Variants in AMER2 observed in about 807,000 individuals in gnomAD.
AMER2 encodes the protein family with sequence similarity 123A.
AMER2 carries 1 observed loss-of-function variant against 4.7 expected under a neutral mutation model. That is an observed-to-expected ratio of 0.21 (90% CI 0.07 to 1.00). The LOEUF (loss-of-function observed/expected upper bound fraction) is 1.00, where lower values mean the gene tolerates loss of function less well. AMER2 is among the 50% of genes least tolerant of loss of function. The pLI is 0.60. For missense variants in AMER2, 988 were observed against 966.9 expected (o/e 1.02, Z -0.29); for synonymous variants, 485 against 433.3 (o/e 1.12, Z -1.48).
At position 25,168,525 on chromosome 13, in the gene AMER2, T is replaced by A. The variant is rs1341801951; in HGVS notation, c.*1079A>T. ...TCTGGGACACCAGCACAATAGATTT[T>A]TTTTTTTTTTGAGAACCAGAGAACC... On this transcript the variant is annotated 3_prime_UTR_variant, in exon 1 of 1. Coordinates refer to ENST00000515384, the MANE Select transcript of AMER2 (RefSeq NM_152704.4). The A allele has an allele frequency of 6.6e-6, 1 of 152,026 alleles. No homozygotes were observed. Among genetic ancestry groups the A allele is most frequent in the Non-Finnish European group, 1.5e-5 (1 of 67,996 alleles). The allele number at this position is 152,026 out of a possible 1,614,324, so 9.4% of individuals were successfully genotyped here.
rs886970579 is a variant in AMER2 at position 25,166,063 on chromosome 13, A to T, written c.*3541T>A. 3.3e-5 allele frequency: 5 copies of T among 152,250 alleles called. No homozygotes were observed. Among genetic ancestry groups the T allele is most frequent in the Admixed American group, 6.5e-5 (1 of 15,282 alleles). 9.4% of individuals were successfully genotyped at this position (152,250 alleles called of 1,614,324 possible). A position where few individuals can be genotyped will look rare whatever the true frequency, so the allele number is the denominator to read the frequency against. On this transcript the variant is annotated 3_prime_UTR_variant, in exon 1 of 1. Transcript: ENST00000515384. ...CCTGACATAGTCTTTTTACCTGGAT[A>T]ATTGTGTAAGCAAAGGGCTATTTGC...
At position 25,171,893 on chromosome 13, in the gene AMER2, T is replaced by G; in HGVS notation, c.-274A>C. ...TCGAGTCGTAATTATGGAATTCAAA[T>G]TCCCTCAACTCTCACCCACCTTCGG... On this transcript the variant is annotated 5_prime_UTR_variant, in exon 1 of 1. Transcript: ENST00000515384. The surrounding 1 kb of genome is among the most constrained non-coding windows in gnomAD (Gnocchi z 5.9). 9 of 464,548 alleles carry G rather than the reference T, an allele frequency of 1.9e-5. No homozygotes were observed. The highest frequency in any genetic ancestry group is 4.0e-5 in the East Asian group (1 of 25,294). 28.8% of individuals were successfully genotyped at this position (464,548 alleles called of 1,614,324 possible). A position where few individuals can be genotyped will look rare whatever the true frequency, so the allele number is the denominator to read the frequency against.
At position 25,163,593 on chromosome 13, in the gene AMER2, A is replaced by G. The variant is rs1411322062; in HGVS notation, c.*6011T>C. On this transcript the variant is annotated 3_prime_UTR_variant, in exon 1 of 1. Transcript: ENST00000515384. ...AATGAAATAAGCCAGTCACAGAAGG[A>G]CAAATACTGCGCGTTTCCACTTCTA... 1.3e-5 allele frequency: 2 copies of G among 151,660 alleles called. No homozygotes were observed. The highest frequency in any genetic ancestry group is 4.9e-5 in the African/African-American group (2 of 41,218). The allele number at this position is 151,660 out of a possible 1,614,324, so 9.4% of individuals were successfully genotyped here.
rs1234448952 is a variant in AMER2, at chr13:25,168,578, C to T, written c.*1026G>A. 6.6e-6 allele frequency: 1 copy of T among 151,626 alleles called. No individual in the cohort carries two copies. The highest frequency in any genetic ancestry group is 1.5e-5 in the Non-Finnish European group (1 of 67,950). 9.4% of individuals were successfully genotyped at this position (151,626 alleles called of 1,614,324 possible). The stretch of plus-strand genomic sequence containing the variant: ...TATAAAACAAAATCAGAATCGCTTC[C>T]CATTACAGTACATAACAGAACATCA... On this transcript the variant is annotated 3_prime_UTR_variant, in exon 1 of 1. Coordinates refer to ENST00000515384, the MANE Select transcript of AMER2 (RefSeq NM_152704.4).
Position 25,169,753 on chromosome 13 carries a change from G to A in AMER2, c.1867C>T (p.Pro623Ser). ...CTGGAGGGTTGCTGGTGCACCACGGGATGGCTAGATGGAAGGTTGGTCAGG... is the reference window on the plus strand; with the variant it reads ...CTGGAGGGTTGCTGGTGCACCACGGAATGGCTAGATGGAAGGTTGGTCAGG... ...KHLTNLPSSH[P>S]VVHQQPSRSE... The change falls in exon 1 of 1, where the codon CCC becomes TCC. Residue 623 changes from proline to serine, a missense_variant. By Grantham distance (74) the Pro-to-Ser change is moderately conservative (BLOSUM62 -1). Coordinates refer to ENST00000515384, the MANE Select transcript of AMER2 (RefSeq NM_152704.4). This position sits in a 1 kb window ranked among gnomAD's most constrained non-coding sequence, Gnocchi z 4.2. 1 of 1,614,210 alleles carries A rather than the reference G, an allele frequency of 6.2e-7. No individual in the cohort carries two copies. Among genetic ancestry groups the A allele is most frequent in the South Asian group, 1.1e-5 (1 of 91,084 alleles).
rs1956593744 is a variant in AMER2, at chr13:25,172,080, T to C, written c.-461A>G. On this transcript the variant is annotated 5_prime_UTR_variant, in exon 1 of 1. Coordinates refer to ENST00000515384, the MANE Select transcript of AMER2 (RefSeq NM_152704.4). ...GCCTTTCCCAAGCCCTTCATGTCTG[T>C]CCTTAGCATTGGTGCACTAAGCCCA... The C allele has an allele frequency of 6.2e-6, 1 of 162,280 alleles. No individual in the cohort carries two copies. The highest frequency in any genetic ancestry group is 1.3e-5 in the Non-Finnish European group (1 of 75,544). 10.1% of individuals were successfully genotyped at this position (162,280 alleles called of 1,614,324 possible).
In AMER2 at chr13:25,171,042, C is replaced by G; in HGVS notation, c.578G>C (p.Gly193Ala). 1 of 1,574,538 alleles carries G rather than the reference C, an allele frequency of 6.4e-7. No homozygotes were observed. The highest frequency in any genetic ancestry group is 8.6e-7 in the Non-Finnish European group (1 of 1,161,780). ...ASKAGGKQKR[G>A]LRGLFSGMRW... ...CATGCCGCTGAACAGCCCCCGCAGC[C>G]CCCGCTTTTGTTTGCCGCCGGCCTT... Residue 193 changes from glycine (G) to alanine (A), a missense_variant, in exon 1 of 1, where the codon GGG becomes GCG. Gly to Ala is a moderately conservative substitution (Grantham distance 60). Coordinates refer to ENST00000515384, the MANE Select transcript of AMER2 (RefSeq NM_152704.4). This position sits in a 1 kb window ranked among gnomAD's most constrained non-coding sequence, Gnocchi z 5.9.
chr13:25,170,738 G>A lies in AMER2; in HGVS notation c.882C>T (p.Gly294=). 1 of 1,411,268 alleles carries A rather than the reference G, an allele frequency of 7.1e-7. No homozygotes were observed. Among genetic ancestry groups the A allele is most frequent in the Non-Finnish European group, 9.2e-7 (1 of 1,092,254 alleles). 87.4% of individuals were successfully genotyped at this position (1,411,268 alleles called of 1,614,324 possible). A position where few individuals can be genotyped will look rare whatever the true frequency, so the allele number is the denominator to read the frequency against. Residue 294 remains glycine (G), a synonymous_variant, in exon 1 of 1, where the codon GGC becomes GGT. Transcript: ENST00000515384. The surrounding 1 kb of genome is among the most constrained non-coding windows in gnomAD (Gnocchi z 7.3). ...AEGLAHPGDT[G]ARGEDAAGHR... is the part of the protein sequence containing the mutation. ...GCCCCGCGGCGTCCTCTCCCCGGGC[G>A]CCGGTGTCGCCGGGGTGCGCGAGGC...
Position 25,169,388 on chromosome 13 carries a change from T to C in AMER2, c.*216A>G, listed in dbSNP as rs1956519564. On this transcript the variant is annotated 3_prime_UTR_variant, in exon 1 of 1. Transcript: ENST00000515384. This position sits in a 1 kb window ranked among gnomAD's most constrained non-coding sequence, Gnocchi z 4.2. Reference sequence around the variant, plus strand: ...GAAAATAATTCTCAGGGACTTATCTTGAGAGGAGAAACCCCCGTGTAGCAT... The same window carrying C: ...GAAAATAATTCTCAGGGACTTATCTCGAGAGGAGAAACCCCCGTGTAGCAT... The C allele has an allele frequency of 2.1e-6, 1 of 486,678 alleles. No homozygotes were observed. The highest frequency in any genetic ancestry group is 3.9e-5 in the Admixed American group (1 of 25,840). The allele number at this position is 486,678 out of a possible 1,614,324, so 30.1% of individuals were successfully genotyped here. A position where few individuals can be genotyped will look rare whatever the true frequency, so the allele number is the denominator to read the frequency against.
chr13:25,169,468 C>T lies in AMER2; in HGVS notation c.*136G>A. The T allele has an allele frequency of 8.2e-7, 1 of 1,222,934 alleles. No individual in the cohort carries two copies. Among genetic ancestry groups the T allele is most frequent in the Non-Finnish European group, 1.1e-6 (1 of 910,862 alleles). 75.8% of individuals were successfully genotyped at this position (1,222,934 alleles called of 1,614,324 possible). A position where few individuals can be genotyped will look rare whatever the true frequency, so the allele number is the denominator to read the frequency against. On this transcript the variant is annotated 3_prime_UTR_variant, in exon 1 of 1. Coordinates refer to ENST00000515384, the MANE Select transcript of AMER2 (RefSeq NM_152704.4). This position sits in a 1 kb window ranked among gnomAD's most constrained non-coding sequence, Gnocchi z 4.2. The stretch of plus-strand genomic sequence containing the variant: ...TCAGGGCACAAAGACCTCCTCGGTC[C>T]ACGCTCTGGAGCAGGGCGGGGGACG...
rs1956460224 is a variant in AMER2, at chr13:25,164,995, A to G, written c.*4609T>C. On this transcript the variant is annotated 3_prime_UTR_variant, in exon 1 of 1. Transcript: ENST00000515384. ...TTTTATTAAGTATTTGATACAGTCT[A>G]TGCCCCATAAATATGTGTTGCATTG... 6.6e-6 allele frequency: 1 copy of G among 152,222 alleles called. No individual in the cohort carries two copies. The highest frequency in any genetic ancestry group is 6.5e-5 in the Admixed American group (1 of 15,286). 9.4% of individuals were successfully genotyped at this position (152,222 alleles called of 1,614,324 possible).
At position 25,164,644 on chromosome 13, in the gene AMER2, T is replaced by C. The variant is rs1418143390; in HGVS notation, c.*4960A>G. On this transcript the variant is annotated 3_prime_UTR_variant, in exon 1 of 1. Coordinates refer to ENST00000515384, the MANE Select transcript of AMER2 (RefSeq NM_152704.4). The stretch of plus-strand genomic sequence containing the variant: ...AAACAAAAAGGATGAATTAAAGCTG[T>C]CTTACTGGGGAGATAATATTACCTA... 1 of 148,954 alleles carries C rather than the reference T, an allele frequency of 6.7e-6. No homozygotes were observed. Among genetic ancestry groups the C allele is most frequent in the Non-Finnish European group, 1.5e-5 (1 of 67,430 alleles). 9.2% of individuals were successfully genotyped at this position (148,954 alleles called of 1,614,324 possible). A position where few individuals can be genotyped will look rare whatever the true frequency, so the allele number is the denominator to read the frequency against.
Position 25,170,244 on chromosome 13 carries a change from T to C in AMER2, c.1376A>G (p.Lys459Arg). Residue 459 changes from lysine to arginine, a missense_variant, in exon 1 of 1, where the codon AAG becomes AGG. By Grantham distance (26) the Lys-to-Arg change is conservative. Coordinates refer to ENST00000515384, the MANE Select transcript of AMER2 (RefSeq NM_152704.4). This position sits in a 1 kb window ranked among gnomAD's most constrained non-coding sequence, Gnocchi z 7.3. ...CTTGGTTTCCAGCGCAGCTGCCACC[T>C]TAGCCGCGCCCTCCTGGGGCTCGGG... ...QGPEPQEGAA[K>R]VAAALETKVV... The C allele has an allele frequency of 6.2e-7, 1 of 1,612,576 alleles. No homozygotes were observed. Among genetic ancestry groups the C allele is most frequent in the South Asian group, 1.1e-5 (1 of 90,816 alleles).
At position 25,164,056 on chromosome 13, in the gene AMER2, G is replaced by C. The variant is rs1401154873; in HGVS notation, c.*5548C>G. 1 of 137,782 alleles carries C rather than the reference G, an allele frequency of 7.3e-6. No individual in the cohort carries two copies. The highest frequency in any genetic ancestry group is 1.5e-5 in the Non-Finnish European group (1 of 66,116). 8.5% of individuals were successfully genotyped at this position (137,782 alleles called of 1,614,324 possible). ...GGAGGTGGAGGTTATAGTGAGCCGA[G>C]ATCAAGCCACTGCACTCCAGCCTGG... is the stretch of plus-strand genomic sequence containing the variant. On this transcript the variant is annotated 3_prime_UTR_variant, in exon 1 of 1. Coordinates refer to ENST00000515384, the MANE Select transcript of AMER2 (RefSeq NM_152704.4).
rs779311665 is a variant in AMER2 at position 25,169,983 on chromosome 13, G to C, written c.1637C>G (p.Pro546Arg). The C allele has an allele frequency of 8.7e-6, 14 of 1,613,936 alleles. No individual in the cohort carries two copies. In the African/African-American group the frequency reaches 1.6e-4, roughly 18 times the overall value. The change falls in exon 1 of 1, where the codon CCC (proline) becomes CGC (arginine). Residue 546 changes from proline (P) to arginine (R), a missense_variant. Transcript: ENST00000515384. This position sits in a 1 kb window ranked among gnomAD's most constrained non-coding sequence, Gnocchi z 4.2. ...CGCGTCCCCGCTGTAGCTATCCCGG[G>C]GGATGCCCGCCTTCTTCCCGCTGCT... ...SSSSGKKAGI[P>R]RDSYSGDALY...
Position 25,168,048 on chromosome 13 carries a change from C to T in AMER2, c.*1556G>A, listed in dbSNP as rs1373792079. ...ATCACCTCCTAGTAGAAGCTCTGGT[C>T]TTTTGATTAAATACACTGAAGTGTA... On this transcript the variant is annotated 3_prime_UTR_variant, in exon 1 of 1. Coordinates refer to ENST00000515384, the MANE Select transcript of AMER2 (RefSeq NM_152704.4). The T allele has an allele frequency of 6.6e-6, 1 of 152,104 alleles. No homozygotes were observed. The highest frequency in any genetic ancestry group is 1.5e-5 in the Non-Finnish European group (1 of 67,998). The allele number at this position is 152,104 out of a possible 1,614,324, so 9.4% of individuals were successfully genotyped here. A position where few individuals can be genotyped will look rare whatever the true frequency, so the allele number is the denominator to read the frequency against.
Position 25,171,735 on chromosome 13 carries a change from A to G in AMER2, c.-116T>C. On this transcript the variant is annotated 5_prime_UTR_variant, in exon 1 of 1. Transcript: ENST00000515384. This position sits in a 1 kb window ranked among gnomAD's most constrained non-coding sequence, Gnocchi z 5.9. The stretch of plus-strand genomic sequence containing the variant: ...GCCGCCGCCGCTGCAAAAGAAACAC[A>G]CATAAAAGACCATCTTCCCTCCCGC... The G allele has an allele frequency of 7.1e-7, 1 of 1,406,580 alleles. No homozygotes were observed. Among genetic ancestry groups the G allele is most frequent in the Non-Finnish European group, 9.2e-7 (1 of 1,090,466 alleles). The allele number at this position is 1,406,580 out of a possible 1,614,324, so 87.1% of individuals were successfully genotyped here.
In AMER2 at chr13:25,170,188, A is replaced by T; in HGVS notation, c.1432T>A (p.Cys478Ser). The T allele has an allele frequency of 1.2e-6, 2 of 1,612,648 alleles. No homozygotes were observed. Among genetic ancestry groups the T allele is most frequent in the Non-Finnish European group, 8.5e-7 (1 of 1,179,448 alleles). Reference protein sequence around the residue: ...VVPETPKDTRCVEAAKDASSV... With the variant: ...VVPETPKDTRSVEAAKDASSV... ...GACGCGTCCTTGGCCGCTTCCACACACCTGGTGTCTTTGGGGGTCTCGGGC... is the reference window on the plus strand; with the variant it reads ...GACGCGTCCTTGGCCGCTTCCACACTCCTGGTGTCTTTGGGGGTCTCGGGC... The change falls in exon 1 of 1, where the codon TGT (cysteine) becomes AGT (serine). Residue 478 changes from cysteine to serine, a missense_variant. Transcript: ENST00000515384. This position sits in a 1 kb window ranked among gnomAD's most constrained non-coding sequence, Gnocchi z 7.3.
rs1956548968 is a variant in AMER2 at position 25,170,687 on chromosome 13, C to T, written c.933G>A (p.Gly311=). ...AGHRRAEPGP[G]EVRTAEDASR... is the part of the protein sequence containing the mutation. The stretch of plus-strand genomic sequence containing the variant: ...AAGCGTCCTCTGCCGTGCGGACCTC[C>T]CCGGGCCCCGGCTCGGCGCGCCGAT... Residue 311 remains glycine (G), a synonymous_variant, in exon 1 of 1, where the codon GGG becomes GGA. Transcript: ENST00000515384. The surrounding 1 kb of genome is among the most constrained non-coding windows in gnomAD (Gnocchi z 7.3). 5.9e-6 allele frequency: 9 copies of T among 1,517,096 alleles called. No homozygotes were observed. Among genetic ancestry groups the T allele is most frequent in the Non-Finnish European group, 7.9e-6 (9 of 1,135,304 alleles). The allele number at this position is 1,517,096 out of a possible 1,614,324, so 94.0% of individuals were successfully genotyped here.
Sources: gnomAD v4.1 joint callset for allele counts on GRCh38, gnomAD v4.1.1 for gene constraint, Gnocchi (gnomAD v3.1) non-coding constraint, MANE v1.5 for transcripts, NCBI Gene and HGNC (gene_info 2026-07-23, HGNC 2026-07-21) for gene names.